Variants in ZNF713 observed in about 807,000 individuals in gnomAD.
ZNF713 encodes zinc finger protein 713.
A neutral mutation model predicts 28.7 loss-of-function variants in ZNF713; 21 were observed. The observed-to-expected ratio is 0.73, with a 90% CI of 0.52 to 1.05. The LOEUF is 1.05. Ranked by LOEUF, ZNF713 falls within the 50% of genes least tolerant of loss-of-function variation. The pLI is 0.00. For missense variants in ZNF713, 458 were observed against 532.4 expected (o/e 0.86, Z 1.37); for synonymous variants, 167 against 178.0 (o/e 0.94, Z 0.49).
intron 4 of ZNF713, among the ~76,000 whole-genome samples, chr7:55,919,243 A>G (rs1016277527): frequency 5.3e-5 from 8 of 152,192 alleles, no homozygotes; most frequent in Non-Finnish European, 1.5e-5. Context: ...CAAATTCAGA[A>G]AGGGATTCAC....
chr7:55,901,803 A>G (rs1650548900), intron 1 of ZNF713, among the ~76,000 whole-genome samples: 1 of 152,392 alleles, frequency 6.6e-6, no homozygotes. Flanking sequence ...ATTTCACTGC[A>G]GCCATAGTGC....
chr7:55,930,808 C>T (rs1274695871), intron 6 of ZNF713, among the ~76,000 whole-genome samples: 1 of 152,026 alleles, frequency 6.6e-6, no homozygotes, highest in African/African-American at 2.4e-5. Flanking sequence ...TTTCACCCTG[C>T]AACAGCAGAG....
intron 1 of ZNF713, among the ~76,000 whole-genome samples, chr7:55,900,026 G>A (rs1205377894): frequency 1.3e-5 from 2 of 152,018 alleles, no homozygotes; most frequent in South Asian, 4.1e-4. Context: ...TTACAGGTGT[G>A]AGCCACCACA....
intron 2 of ZNF713, among the ~76,000 whole-genome samples, chr7:55,911,147 C>T (rs1014102273): frequency 6.6e-6 from 1 of 152,180 alleles, no homozygotes; most frequent in Admixed American, 6.5e-5. Flanking sequence ...CTGCAGTTTT[C>T]TCTTTTAAAA....
intron 3 of ZNF713, 51 bp downstream of exon 3, chr7:55,912,119 G>A (rs1378087059): frequency 6.6e-6 from 1 of 152,460 alleles, no homozygotes; most frequent in Non-Finnish European, 1.5e-5. Flanking sequence ...CATATTGGAA[G>A]GATCACCTTA....
intron 4 of ZNF713, among the ~76,000 whole-genome samples, chr7:55,916,489 C>A (rs1238296345): frequency 6.6e-6 from 1 of 152,206 alleles, no homozygotes; most frequent in African/African-American, 2.4e-5. Context: ...ATAATTTACC[C>A]AGTTATGCTG....
chr7:55,895,428 AT>A (rs1175396752), intron 1 of ZNF713, among the ~76,000 whole-genome samples: 1 of 136,610 alleles, frequency 7.3e-6, no homozygotes, highest in Non-Finnish European at 1.6e-5. Flanking sequence ...TGCTTATTAT[AT>A]GCTGTTATAT....
intron 6 of ZNF713, among the ~76,000 whole-genome samples, chr7:55,925,094 A>G (rs1345879007): frequency 6.6e-6 from 1 of 151,852 alleles, no homozygotes; most frequent in Non-Finnish European, 1.5e-5. Context: ...TGTTTTAACA[A>G]GGAGTGGACT....
At position 55,939,085 on chromosome 7, in the gene ZNF713, C is replaced by T. The variant is rs1786411920; in HGVS notation, c.411C>T (p.Ser137=). The change falls in exon 7 of 7, where the codon AGC becomes AGT. Residue 137 remains serine, a synonymous_variant. Transcript: ENST00000429591. ...EMIMERLAGD[S]FWYSILGGLW... ...TAATGGAGAGACTCGCAGGAGACAG[C>T]TTCTGGTACTCCATCCTAGGAGGAC... The T allele has an allele frequency of 6.2e-7, 1 of 1,614,126 alleles. No individual in the cohort carries two copies. Among genetic ancestry groups the T allele is most frequent in the Non-Finnish European group, 8.5e-7 (1 of 1,180,000 alleles).
intron 6 of ZNF713, among the ~76,000 whole-genome samples, chr7:55,925,469 A>G (rs988969939): frequency 2.0e-5 from 3 of 151,988 alleles, no homozygotes; most frequent in African/African-American, 7.2e-5. Context: ...AAAAATACAA[A>G]AATTAGCCAG....
intron 6 of ZNF713, among the ~76,000 whole-genome samples, 186 bp from the exon 7 acceptor site, chr7:55,938,796 T>G (rs750211163): frequency 8.9e-4 from 135 of 152,226 alleles, no homozygotes; most frequent in Non-Finnish European, 1.4e-3. Flanking sequence ...GCTCCTTGCT[T>G]CTTGTGACTT....
At chr7:55,908,102 C>T (rs1051367377) in intron 2 of ZNF713, among the ~76,000 whole-genome samples, 6 of 149,082 alleles carry the variant, frequency 4.0e-5, no homozygotes, top group African/African-American at 1.5e-4. Flanking sequence ...TACATGTTTC[C>T]ACTTCTCTCC....
At chr7:55,931,927 G>A (rs187997387) in intron 6 of ZNF713, among the ~76,000 whole-genome samples, 3 of 152,202 alleles carry the variant, frequency 2.0e-5, no homozygotes, top group Non-Finnish European at 4.4e-5. Context: ...TCCACAGGCT[G>A]CAGATTCAGT....
intron 1 of ZNF713, among the ~76,000 whole-genome samples, chr7:55,898,671 C>G (rs1329609120): frequency 1.3e-5 from 2 of 152,186 alleles, no homozygotes; most frequent in African/African-American, 4.8e-5. Flanking sequence ...GACACAAATC[C>G]AAACCATATC....
intron 1 of ZNF713, among the ~76,000 whole-genome samples, chr7:55,888,981 G>A (rs1220589160): frequency 6.6e-6 from 1 of 152,038 alleles, no homozygotes; most frequent in East Asian, 1.9e-4. Context: ...TGGCCCAGGA[G>A]ATGAAGGTTG....
chr7:55,914,426 C>A (rs1785843525), intron 4 of ZNF713, among the ~76,000 whole-genome samples: 1 of 152,136 alleles, frequency 6.6e-6, no homozygotes, highest in Admixed American at 6.6e-5. Flanking sequence ...AACTCCTGGG[C>A]TCAAGCCATC....
intron 1 of ZNF713, among the ~76,000 whole-genome samples, chr7:55,888,488 TC>T (rs1450170732): frequency 1.3e-5 from 2 of 152,138 alleles, no homozygotes; most frequent in Admixed American, 1.3e-4. Flanking sequence ...GCTCAAGAGC[TC>T]CTCCTTCCTC....
intron 5 of ZNF713, 157 bp downstream of exon 5, chr7:55,923,445 C>A: frequency 8.8e-7 from 1 of 1,139,088 alleles, no homozygotes; most frequent in Non-Finnish European, 1.2e-6. Flanking sequence ...TGCTCTTTCT[C>A]CTCCAATGGA....
chr7:55,895,865 A>T (rs530963411), intron 1 of ZNF713, among the ~76,000 whole-genome samples: 1 of 152,248 alleles, frequency 6.6e-6, no homozygotes, highest in African/African-American at 2.4e-5. Flanking sequence ...AGTTTTATAG[A>T]TGAGGAAGTG....
Sources: allele counts gnomAD v4.1 joint callset (sites outside exome capture counted in the v4.1 genomes callset), GRCh38; gene constraint gnomAD v4.1.1; transcripts MANE v1.5; gene names NCBI Gene and HGNC (gene_info 2026-07-23, HGNC 2026-07-21).